The following A2M variants were observed in gnomAD, a reference collection of about 807,000 sequenced individuals.
A2M encodes alpha-2-macroglobulin, also known as C3 and PZP-like alpha-2-macroglobulin domain-containing protein 5.
In A2M, 128 loss-of-function variants were observed where a neutral mutation model predicts 183.9. The ratio of observed to expected loss-of-function variants is 0.70; its 90% CI spans 0.60 to 0.81. The LOEUF is 0.81. Among genes scored for constraint, A2M ranks in the 30% least tolerant of loss-of-function variants. A2M has a pLI of 0.00. For synonymous variants in A2M, 592 were observed against 670.8 expected, an observed-to-expected ratio of 0.88 and a Z score of 1.81; for missense variants, 1,495 against 1,787.6, an observed-to-expected ratio of 0.84 and a Z score of 2.95.
At position 9,095,549 on chromosome 12, in the gene A2M, C is replaced by A. The variant is rs773788913; in HGVS notation, c.2003G>T (p.Ser668Ile). 1 of 1,610,700 alleles carries A rather than the reference C, an allele frequency of 6.2e-7. No individual in the cohort carries two copies. The highest frequency in any genetic ancestry group is 1.1e-5 in the South Asian group (1 of 90,594). The change falls in exon 16 of 36, where the codon AGC becomes ATC. Residue 668 changes from serine to isoleucine, a missense_variant. Ser to Ile is a moderately radical substitution (Grantham distance 142). Transcript: ENST00000318602. ...ACATAAGGAGTTTACCTCTAGGAAG[C>A]TGTACATATCCTTTTCATTTGTACT... Reference protein sequence around the residue: ...VSSTNEKDMYSFLEDMGLKAF... With the variant: ...VSSTNEKDMYIFLEDMGLKAF...
chr12:9,079,720 T>A lies in A2M; in HGVS notation c.2950A>T (p.Ile984Phe), dbSNP rs1289679853. 6.2e-7 allele frequency: 1 copy of A among 1,613,698 alleles called. No homozygotes were observed. The highest frequency in any genetic ancestry group is 1.1e-5 in the South Asian group (1 of 91,040). ...EQNMVLFAPN[I>F]YVLDYLNETQ... is the part of the protein sequence containing the mutation. The stretch of plus-strand genomic sequence containing the variant: ...TCATTTAGATAATCCAGTACATAGA[T>A]GTTAGGAGCAAAGAGGACCATATTC... The change falls in exon 24 of 36, where the codon ATC becomes TTC. Residue 984 changes from isoleucine (I) to phenylalanine (F), a missense_variant. By Grantham distance (21) the Ile-to-Phe change is conservative. Transcript: ENST00000318602.
intron 17 of A2M, among the ~76,000 whole-genome samples, chr12:9,094,340 CATATATATATAT>C (rs59647548): frequency 4.0e-4 from 39 of 97,030 alleles, no homozygotes; most frequent in Admixed American, 5.7e-4. Flanking sequence ...AAAAATTGTG[CATATATATATAT>C]ATATATATAT....
intron 13 of A2M, among the ~76,000 whole-genome samples, chr12:9,100,432 T>G (rs1280309059): frequency 6.6e-6 from 1 of 151,376 alleles, no homozygotes; most frequent in Non-Finnish European, 1.5e-5. Context: ...TTGTTCTTAT[T>G]TATTTATTTA....
At chr12:9,074,162 A>G (rs1948666302) in intron 29 of A2M, among the ~76,000 whole-genome samples, 1 of 151,184 alleles carries the variant, frequency 6.6e-6, no homozygotes, top group Non-Finnish European at 1.5e-5. Flanking sequence ...ATTAAAGGGG[A>G]CCTAAGAATG....
rs145952830 is a variant in A2M at position 9,074,626 on chromosome 12, A to G, written c.3690T>C (p.Ser1230=). Residue 1230 remains serine (S), a synonymous_variant, in exon 29 of 36, where the codon TCT becomes TCC. Transcript: ENST00000318602. The part of the protein sequence containing the change: ...QPAPTSEDLT[S]ATNIVKWITK... ...TGATCCACTTCACGATGTTGGTTGC[A>G]GAGGTCAGGTCCTCCGAGGTTGGGG... is the stretch of plus-strand genomic sequence containing the variant. 499 of 1,613,942 alleles carry G rather than the reference A, an allele frequency of 3.1e-4. 6 individuals are homozygous for G. In the East Asian group the frequency reaches 0.011, roughly 36 times the overall value.
In A2M at chr12:9,091,273, A is replaced by G. The variant is rs750005908; in HGVS notation, c.2397T>C (p.Pro799=). Residue 799 remains proline (P), a synonymous_variant, in exon 19 of 36, where the codon CCT becomes CCC. Coordinates refer to ENST00000318602, the MANE Select transcript of A2M (RefSeq NM_000014.6). ...AGGCCTCTCCACGAATCACAGAGTA[A>G]GGCATTGTGAGCTCCACAAAGAAGG... is the stretch of plus-strand genomic sequence containing the variant. The part of the protein sequence containing the change: ...FQPFFVELTM[P]YSVIRGEAFT... 25 of 1,614,200 alleles carry G rather than the reference A, an allele frequency of 1.5e-5. No homozygotes were observed. The highest frequency in any genetic ancestry group is 1.9e-5 in the Non-Finnish European group (23 of 1,180,050).
intron 31 of A2M, among the ~76,000 whole-genome samples, chr12:9,071,025 G>T (rs747616174): frequency 6.6e-6 from 1 of 151,978 alleles, no homozygotes; most frequent in Non-Finnish European, 1.5e-5. Context: ...TCTCCATGTT[G>T]GTCAGGCTGG....
intron 24 of A2M, 141 bp downstream of exon 24, chr12:9,079,498 A>T: frequency 9.6e-7 from 1 of 1,042,074 alleles, no homozygotes; most frequent in Non-Finnish European, 1.4e-6. Flanking sequence ...GAGAGTGGAT[A>T]GTTTCCTTGA....
At position 9,090,494 on chromosome 12, in the gene A2M, C is replaced by T. The variant is rs1277139955; in HGVS notation, c.2470-12G>A. 1 of 1,612,946 alleles carries T rather than the reference C, an allele frequency of 6.2e-7. No individual in the cohort carries two copies. The highest frequency in any genetic ancestry group is 8.5e-7 in the Non-Finnish European group (1 of 1,179,134). On this transcript the variant is annotated splice_polypyrimidine_tract_variant and intron_variant, in intron 19 of 35. Coordinates refer to ENST00000318602, the MANE Select transcript of A2M (RefSeq NM_000014.6). ...AGCTGCACACTGACCTGAAACCACACATAAGAAAGGGAGTAGAGAGGGAAG... is the reference window on the plus strand; with the variant it reads ...AGCTGCACACTGACCTGAAACCACATATAAGAAAGGGAGTAGAGAGGGAAG...
At position 9,095,710 on chromosome 12, in the gene A2M, T is replaced by G; in HGVS notation, c.1852-10A>C. 1 of 1,169,262 alleles carries G rather than the reference T, an allele frequency of 8.6e-7. No homozygotes were observed. The highest frequency in any genetic ancestry group is 1.4e-5 in the South Asian group (1 of 73,142). 72.4% of individuals were successfully genotyped at this position (1,169,262 alleles called of 1,614,324 possible). On this transcript the variant is annotated splice_polypyrimidine_tract_variant and intron_variant, in intron 15 of 35. Transcript: ENST00000318602. ...GTAGCAGGTTGTAAACCTGTACAAA[T>G]ACGAAAGACAAAAAGGCAAACTTAT...
intron 18 of A2M, 146 bp from the exon 19 acceptor site, chr12:9,091,575 G>GA: frequency 9.7e-6 from 8 of 827,902 alleles, no homozygotes; most frequent in Non-Finnish European, 1.5e-5. Context: ...CAAGGATTGA[G>GA]ATGGGAATAT....
At chr12:9,073,926 A>G (rs1948655565) in intron 29 of A2M, among the ~76,000 whole-genome samples, 1 of 152,060 alleles carries the variant, frequency 6.6e-6, no homozygotes, top group South Asian at 2.1e-4. Flanking sequence ...CGTCTCTACT[A>G]AAAATACAAA....
chr12:9,110,063 C>T (rs775109631), intron 5 of A2M, 28 bp from the exon 6 acceptor site: 2 of 1,585,714 alleles, frequency 1.3e-6, no homozygotes, highest in Non-Finnish European at 1.7e-6. Context: ...TTATAACTTA[C>T]AAAAGCACCT....
intron 21 of A2M, among the ~76,000 whole-genome samples, chr12:9,089,453 A>G (rs1949142578): frequency 6.6e-6 from 1 of 152,136 alleles, no homozygotes; most frequent in South Asian, 2.1e-4. Context: ...AAGTAAATCA[A>G]AGGGAGGCTG....
Position 9,115,788 on chromosome 12 carries a change from G to C in A2M, c.62C>G (p.Thr21Arg). 6.2e-7 allele frequency: 1 copy of C among 1,613,392 alleles called. No homozygotes were observed. Among genetic ancestry groups the C allele is most frequent in the Non-Finnish European group, 8.5e-7 (1 of 1,179,404 alleles). ...LVLLLLVLLP[T>R]DASVSGKPQY... ...CGGTTTTCCAGAGACTGAGGCGTCTGTGGGCAGGAGGACCAAGAGGAGAAG... is the reference window on the plus strand; with the variant it reads ...CGGTTTTCCAGAGACTGAGGCGTCTCTGGGCAGGAGGACCAAGAGGAGAAG... The change falls in exon 1 of 36, where the codon ACA becomes AGA. Residue 21 changes from threonine to arginine, a missense_variant. Transcript: ENST00000318602.
intron 1 of A2M, 36 bp downstream of exon 1, chr12:9,115,728 T>C (rs756428919): frequency 2.0e-6 from 3 of 1,517,638 alleles, no homozygotes; most frequent in African/African-American, 2.7e-5. Context: ...TGAAGGACTC[T>C]AGGTTCATGC....
intron 32 of A2M, 94 bp from the exon 33 acceptor site, chr12:9,069,907 A>C (rs2137623438): frequency 9.6e-7 from 1 of 1,036,740 alleles, no homozygotes; most frequent in Middle Eastern, 2.1e-4. Context: ...AATAACCCTG[A>C]GGGTAGAATT....
intron 11 of A2M, among the ~76,000 whole-genome samples, chr12:9,102,736 C>T (rs1937980803): frequency 6.6e-6 from 1 of 152,154 alleles, no homozygotes; most frequent in South Asian, 2.1e-4. Flanking sequence ...CATATATGAT[C>T]ACCCCAAACA....
At chr12:9,074,528 G>T in intron 29 of A2M, 32 bp downstream of exon 29, 1 of 1,554,632 alleles carries the variant, frequency 6.4e-7, no homozygotes, top group South Asian at 1.2e-5. Context: ...GCTACCTGAA[G>T]GTGAAATAAA....
Sources: gnomAD v4.1 joint callset for allele counts (sites outside exome capture counted in the v4.1 genomes callset) on GRCh38, gnomAD v4.1.1 for gene constraint, MANE v1.5 for transcripts, NCBI Gene and HGNC (gene_info 2026-07-23, HGNC 2026-07-21) for gene names.